The following SLC17A5 variants were observed in gnomAD, a reference collection of about 807,000 sequenced individuals.
SLC17A5 encodes the protein sialin.
In SLC17A5, 47 loss-of-function variants were observed where a neutral mutation model predicts 59.4. The observed-to-expected ratio is 0.79, with a 90% CI of 0.63 to 1.01. SLC17A5 has a LOEUF of 1.01. SLC17A5 is among the 50% of genes least tolerant of loss of function. SLC17A5 has a pLI of 0.00. For missense variants in SLC17A5, 522 were observed against 595.5 expected (o/e 0.88, Z 1.28); for synonymous variants, 202 against 210.7 (o/e 0.96, Z 0.36).
intron 10 of SLC17A5, among the ~76,000 whole-genome samples, chr6:73,597,327 C>T (rs1188631368): frequency 6.6e-6 from 1 of 151,064 alleles, no homozygotes; most frequent in East Asian, 1.9e-4. Flanking sequence ...ATTAGCCAGG[C>T]GTGGTGGTGG....
intron 9 of SLC17A5, among the ~76,000 whole-genome samples, chr6:73,601,478 G>A (rs1767090041): frequency 4.6e-5 from 6 of 130,800 alleles, no homozygotes; most frequent in Admixed American, 7.4e-5. Flanking sequence ...TCAGCACCCC[G>A]CCTGGCCAGC....
At chr6:73,632,291 C>CA (rs71000140) in intron 6 of SLC17A5, among the ~76,000 whole-genome samples, 8,616 of 62,910 alleles carry the variant, frequency 0.14, 617 homozygotes, top group Middle Eastern at 0.26. Flanking sequence ...GAGCTAGACT[C>CA]AAAAAAAAAA....
At position 73,637,064 on chromosome 6, in the gene SLC17A5, G is replaced by A. The variant is rs1769043166; in HGVS notation, c.614-357C>T. Among the ~76,000 whole-genome samples, 3 of 150,286 alleles carry A rather than the reference G, an allele frequency of 2.0e-5. No homozygotes were observed. The South Asian group carries it at 6.3e-4, about 32-fold the overall frequency. Reference sequence around the variant, plus strand: ...TTGTGCCACTGCCTTCCAGCCTGGAGTGAGACCCTGGCTCAAAAAAAAAAA... The same window carrying A: ...TTGTGCCACTGCCTTCCAGCCTGGAATGAGACCCTGGCTCAAAAAAAAAAA... On this transcript the variant is annotated intron_variant, in intron 4 of 10. Transcript: ENST00000355773.
intron 8 of SLC17A5, among the ~76,000 whole-genome samples, chr6:73,614,842 T>C (rs991837317): frequency 7.9e-5 from 12 of 152,204 alleles, no homozygotes; most frequent in African/African-American, 2.7e-4. Flanking sequence ...TGTTCATCTA[T>C]ATCCTTTGCA....
chr6:73,624,585 T>C (rs190103628), intron 6 of SLC17A5, among the ~76,000 whole-genome samples: 6 of 151,852 alleles, frequency 4.0e-5, no homozygotes, highest in Non-Finnish European at 7.4e-5. Flanking sequence ...AACTTAAGAA[T>C]AAATATACGG....
intron 1 of SLC17A5, 34 bp downstream of exon 1, chr6:73,653,759 C>T: frequency 1.3e-6 from 2 of 1,538,172 alleles, no homozygotes; most frequent in South Asian, 1.2e-5. Context: ...GTACCGCTGC[C>T]CACTCGAAGC....
At chr6:73,643,169 AT>A (rs1003025797) in intron 2 of SLC17A5, among the ~76,000 whole-genome samples, 10 of 149,290 alleles carry the variant, frequency 6.7e-5, no homozygotes, top group African/African-American at 1.7e-4. Context: ...TTATTTTTAA[AT>A]TTTTTTTTTG....
chr6:73,645,458 T>C (rs1769492302), intron 1 of SLC17A5: 3 of 984,492 alleles, frequency 3.0e-6, no homozygotes, highest in Non-Finnish European at 3.6e-6. Flanking sequence ...GGGCTCACAG[T>C]AAAAAGGGAA....
chr6:73,634,044 T>G (rs1768889831), intron 6 of SLC17A5, among the ~76,000 whole-genome samples: 1 of 152,128 alleles, frequency 6.6e-6, no homozygotes, highest in South Asian at 2.1e-4. Context: ...TTTATGTTCT[T>G]CTTTTATTCT....
chr6:73,647,805 C>T (rs1028011981), intron 1 of SLC17A5, among the ~76,000 whole-genome samples: 6 of 152,198 alleles, frequency 3.9e-5, no homozygotes, highest in African/African-American at 1.2e-4. Context: ...CGGTGGCTCA[C>T]GCCTGTAATC....
At chr6:73,649,282 G>A (rs368691413) in intron 1 of SLC17A5, among the ~76,000 whole-genome samples, 4 of 152,324 alleles carry the variant, frequency 2.6e-5, no homozygotes, top group African/African-American at 9.6e-5. Flanking sequence ...ACAGGCATAA[G>A]CCACCATGCC....
chr6:73,614,190 T>C (rs1767748973), intron 8 of SLC17A5, among the ~76,000 whole-genome samples: 1 of 152,008 alleles, frequency 6.6e-6, no homozygotes. Flanking sequence ...CACCTGAGGC[T>C]GAGGAGGTTG....
chr6:73,637,070 C>A (rs1174133110), intron 4 of SLC17A5, among the ~76,000 whole-genome samples: 3 of 148,584 alleles, frequency 2.0e-5, no homozygotes, highest in Non-Finnish European at 4.5e-5. Flanking sequence ...TGGAGTGAGA[C>A]CCTGGCTCAA....
intron 10 of SLC17A5, among the ~76,000 whole-genome samples, chr6:73,595,933 CATATAT>C (rs1215120613): frequency 8.7e-3 from 8 of 918 alleles, no homozygotes; most frequent in Admixed American, 0.027. Flanking sequence ...TATACATATA[CATATAT>C]ATATATATAC....
rs779264733 is a variant in SLC17A5, at chr6:73,641,795, A to C, written c.421T>G (p.Phe141Val). ...AGGACAGCAGTGCCAAGGATCCCAA[A>C]TCCTAGCAGCATTTTCCCCCCTATT... ...SKIGGKMLLG[F>V]GILGTAVLTL... The change falls in exon 3 of 11, where the codon TTT (phenylalanine) becomes GTT (valine). Residue 141 changes from phenylalanine (F) to valine (V), a missense_variant. By Grantham distance (50) the Phe-to-Val change is conservative. This residue lies in a region of SLC17A5 where 338 missense variants were observed against 363.8 expected (regional missense o/e 0.93). Coordinates refer to ENST00000355773, the MANE Select transcript of SLC17A5 (RefSeq NM_012434.5). 1 of 1,613,976 alleles carries C rather than the reference A, an allele frequency of 6.2e-7. No homozygotes were observed. Among genetic ancestry groups the C allele is most frequent in the Non-Finnish European group, 8.5e-7 (1 of 1,180,020 alleles).
chr6:73,635,841 A>G (rs1014947470), intron 5 of SLC17A5, among the ~76,000 whole-genome samples: 1 of 151,976 alleles, frequency 6.6e-6, no homozygotes, highest in African/African-American at 2.4e-5. Context: ...GCTGGGTTCA[A>G]GCAACTCTAC....
At chr6:73,630,663 C>T (rs546877969) in intron 6 of SLC17A5, among the ~76,000 whole-genome samples, 4 of 152,138 alleles carry the variant, frequency 2.6e-5, no homozygotes, top group East Asian at 1.9e-4. Flanking sequence ...ACCTTATGCA[C>T]GAGAGCAACA....
chr6:73,633,996 GA>G lies in SLC17A5; in HGVS notation c.819+1385del, dbSNP rs1255206967. 2.0e-5 allele frequency among the ~76,000 whole-genome samples: 3 copies of G among 152,136 alleles called. No individual in the cohort carries two copies. The East Asian group carries it at 5.8e-4, about 29-fold the overall frequency. Reference sequence around the variant, plus strand: ...TGACTTTGAAGCCAACAAGAATGCTGAAAACAAACTGTGTATATTTTAATCT... The same window carrying G: ...TGACTTTGAAGCCAACAAGAATGCTGAAACAAACTGTGTATATTTTAATCT... On this transcript the variant is annotated intron_variant, in intron 6 of 10. Coordinates refer to ENST00000355773, the MANE Select transcript of SLC17A5 (RefSeq NM_012434.5).
intron 8 of SLC17A5, among the ~76,000 whole-genome samples, chr6:73,613,697 C>CA (rs1397682605): frequency 6.6e-6 from 1 of 152,012 alleles, no homozygotes; most frequent in Non-Finnish European, 1.5e-5. Context: ...ATGTATGATT[C>CA]AAAAAGAAAC....
Sources: gnomAD v4.1 joint callset for allele counts (sites outside exome capture counted in the v4.1 genomes callset) on GRCh38, gnomAD v4.1.1 for gene constraint, gnomAD v4.1.1 regional missense constraint, MANE v1.5 for transcripts, NCBI Gene and HGNC (gene_info 2026-07-23, HGNC 2026-07-21) for gene names.